Variants in DCP1A observed in about 807,000 individuals in gnomAD.
DCP1A encodes the protein mRNA-decapping enzyme 1A.
In DCP1A, 20 loss-of-function variants were observed where a neutral mutation model predicts 58.0. That is an observed-to-expected ratio of 0.34 (90% confidence interval 0.24 to 0.50). DCP1A has a LOEUF of 0.50. Among genes scored for constraint, DCP1A ranks in the 20% least tolerant of loss-of-function variants. The pLI, the probability that DCP1A is intolerant of heterozygous loss-of-function variation, is 0.98. For missense variants in DCP1A, 613 were observed against 712.2 expected (o/e 0.86, Z 1.59); for synonymous variants, 285 against 275.1 (o/e 1.04, Z -0.36).
Position 53,304,294 on chromosome 3 carries a change from TA to T in DCP1A, c.511-5del, listed in dbSNP as rs1559687573. 1 of 1,603,884 alleles carries T rather than the reference TA, an allele frequency of 6.2e-7. No homozygotes were observed. ...TATTTGAGTCACCCATCTGATTCTT[TA>T]AAAAGTTAAAAGAAAAAAATATATC... On this transcript the variant is annotated splice_region_variant and splice_polypyrimidine_tract_variant and intron_variant, in intron 5 of 9. Transcript: ENST00000610213.
At position 53,296,665 on chromosome 3, in the gene DCP1A, T is replaced by C. The variant is rs576581629; in HGVS notation, c.625-3838A>G. Among the ~76,000 whole-genome samples, 5 of 152,388 alleles carry C rather than the reference T, an allele frequency of 3.3e-5. No individual in the cohort carries two copies. The South Asian group carries it at 1.0e-3, about 32-fold the overall frequency. ...AGTGGCCTTTAGTATATTCATGTTG[T>C]TGTTTTTAAGGTTCATCCGTGTTCC... On this transcript the variant is annotated intron_variant, in intron 6 of 9. Transcript: ENST00000610213.
At chr3:53,323,717 C>G (rs1223478787) in intron 3 of DCP1A, among the ~76,000 whole-genome samples, 1 of 151,862 alleles carries the variant, frequency 6.6e-6, no homozygotes, top group Non-Finnish European at 1.5e-5. Context: ...CAAAAATTAG[C>G]TGGGCGTGGT....
At chr3:53,337,997 A>C in intron 3 of DCP1A, 1 of 282,630 alleles carries the variant, frequency 3.5e-6, no homozygotes, top group South Asian at 3.1e-5. Flanking sequence ...ATATGGATTG[A>C]TGAAGTAATT....
At chr3:53,290,928 GA>G in intron 7 of DCP1A, 72 bp from the exon 8 acceptor site, 1 of 1,311,966 alleles carries the variant, frequency 7.6e-7, no homozygotes, top group Non-Finnish European at 1.1e-6. Flanking sequence ...AGTCTTAATT[GA>G]AAAAGACTTT....
At chr3:53,343,051 A>T (rs1198299525) in intron 2 of DCP1A, among the ~76,000 whole-genome samples, 1 of 152,224 alleles carries the variant, frequency 6.6e-6, no homozygotes, top group Non-Finnish European at 1.5e-5. Flanking sequence ...TATCAGAGGG[A>T]TTCGGTACAT....
intron 6 of DCP1A, among the ~76,000 whole-genome samples, chr3:53,296,785 A>G (rs1232650402): frequency 6.6e-6 from 1 of 152,212 alleles, no homozygotes; most frequent in Non-Finnish European, 1.5e-5. Flanking sequence ...ATTAATGGAC[A>G]CTGGAGTTCT....
chr3:53,334,178 C>A (rs2089069613), intron 3 of DCP1A, among the ~76,000 whole-genome samples: 1 of 152,120 alleles, frequency 6.6e-6, no homozygotes, highest in African/African-American at 2.4e-5. Context: ...ATGGAAGGAT[C>A]ACTCAAGCCT....
intron 4 of DCP1A, among the ~76,000 whole-genome samples, chr3:53,315,292 C>A (rs1314007349): frequency 2.0e-5 from 3 of 152,050 alleles, no homozygotes. Context: ...GTAATCCCAG[C>A]ACTTTGGGAG....
chr3:53,321,672 T>C (rs782526021), intron 3 of DCP1A, among the ~76,000 whole-genome samples: 8 of 152,114 alleles, frequency 5.3e-5, no homozygotes, highest in East Asian at 1.9e-4. Context: ...TGAGTCGAGA[T>C]TGCACCACTG....
intron 3 of DCP1A, among the ~76,000 whole-genome samples, chr3:53,331,015 T>C (rs2106875241): frequency 6.6e-6 from 1 of 152,182 alleles, no homozygotes; most frequent in African/African-American, 2.4e-5. Flanking sequence ...CGTGCCGCCA[T>C]GCCCGGCTAA....
chr3:53,329,990 C>T (rs1261348230), intron 3 of DCP1A, among the ~76,000 whole-genome samples: 3 of 152,118 alleles, frequency 2.0e-5, no homozygotes, highest in Non-Finnish European at 2.9e-5. Flanking sequence ...AAAATCAAGA[C>T]CATATACTCT....
At chr3:53,330,125 A>G (rs1183041969) in intron 3 of DCP1A, among the ~76,000 whole-genome samples, 1 of 152,212 alleles carries the variant, frequency 6.6e-6, no homozygotes, top group African/African-American at 2.4e-5. Flanking sequence ...TTTACAAGCA[A>G]TAACTCTCAA....
At chr3:53,290,010 A>C (rs1706795181) in intron 8 of DCP1A, among the ~76,000 whole-genome samples, 1 of 152,206 alleles carries the variant, frequency 6.6e-6, no homozygotes, top group South Asian at 2.1e-4. Flanking sequence ...GCTCGTTTCC[A>C]AGACCAGTCA....
rs1553693277 is a variant in DCP1A at position 53,347,425 on chromosome 3, G to A, written c.93C>T (p.Gly31=). The change falls in exon 1 of 10, where the codon GGC becomes GGT. Residue 31 remains glycine (G), a synonymous_variant. Transcript: ENST00000610213. The stretch of plus-strand genomic sequence containing the variant: ...GGCAGAAGGTGTACAGAGCGACCTG[G>A]CCCGTGAGGTCTGCGATGCTGGTGA... ...PYITSIADLT[G]QVALYTFCPK... The A allele has an allele frequency of 6.2e-7, 1 of 1,613,252 alleles. No homozygotes were observed.
intron 3 of DCP1A, chr3:53,333,260 C>G (rs1229846172): frequency 6.6e-6 from 1 of 151,858 alleles, no homozygotes; most frequent in African/African-American, 2.4e-5. Flanking sequence ...TCTGCCTCAG[C>G]CTCCTGAGTA....
At chr3:53,312,140 G>A (rs554342279) in intron 5 of DCP1A, 101 bp downstream of exon 5, 72 of 1,318,344 alleles carry the variant, frequency 5.5e-5, no homozygotes, top group African/African-American at 4.7e-4. Flanking sequence ...TATTTCTGCC[G>A]TCCCTGGAGG....
chr3:53,313,741 T>C lies in DCP1A; in HGVS notation c.372-1362A>G, dbSNP rs150272910. ...GAGTTTGAGACCAGCCCAGGCAACATAGTGAAACCCTGTTTTAAAAAACAA... is the reference window on the plus strand; with the variant it reads ...GAGTTTGAGACCAGCCCAGGCAACACAGTGAAACCCTGTTTTAAAAAACAA... On this transcript the variant is annotated intron_variant, in intron 4 of 9. Coordinates refer to ENST00000610213, the MANE Select transcript of DCP1A (RefSeq NM_018403.7). Among the ~76,000 whole-genome samples the C allele has an allele frequency of 6.4e-3, 968 of 150,582 alleles. 8 individuals are homozygous for C. The highest frequency in any genetic ancestry group is 0.022 in the African/African-American group (894 of 41,066).
In DCP1A at chr3:53,314,667, C is replaced by CTTTTTTTTTTT. The variant is rs1167830951; in HGVS notation, c.372-2299_372-2289dup. Among the ~76,000 whole-genome samples the CTTTTTTTTTTT allele has an allele frequency of 2.8e-3, 241 of 86,624 alleles. 1 individual carries two copies. Among genetic ancestry groups the CTTTTTTTTTTT allele is most frequent in the Non-Finnish European group, 3.3e-3 (156 of 46,740 alleles). 56.8% of individuals were successfully genotyped at this position (86,624 alleles called of 152,430 possible). Reference sequence around the variant, plus strand: ...AGAGAAGAATATTTCTTTTCTTTTTCTTTTTTTTTTTTTTTTTTTTTTGAG... The same window carrying CTTTTTTTTTTT: ...AGAGAAGAATATTTCTTTTCTTTTTCTTTTTTTTTTTTTTTTTTTTTTTTTTTTTTTTTGAG... On this transcript the variant is annotated intron_variant, in intron 4 of 9. Coordinates refer to ENST00000610213, the MANE Select transcript of DCP1A (RefSeq NM_018403.7).
intron 4 of DCP1A, among the ~76,000 whole-genome samples, chr3:53,318,282 G>A (rs1168753143): frequency 2.6e-5 from 4 of 152,052 alleles, no homozygotes; most frequent in Admixed American, 2.0e-4. Flanking sequence ...TCCAGACTGC[G>A]TGACAGAGCG....
Sources: gnomAD v4.1 joint callset for allele counts (sites outside exome capture counted in the v4.1 genomes callset) on GRCh38, gnomAD v4.1.1 for gene constraint, MANE v1.5 for transcripts, NCBI Gene and HGNC (gene_info 2026-07-23, HGNC 2026-07-21) for gene names.